The following SH3GL1 variants were observed in gnomAD, a reference collection of about 807,000 sequenced individuals.
SH3GL1 encodes the protein SH3 domain containing GRB2 like 1, endophilin A2.
A neutral mutation model predicts 48.8 loss-of-function variants in SH3GL1; 21 were observed. The ratio of observed to expected loss-of-function variants is 0.43; its 90% CI spans 0.30 to 0.62. The LOEUF is 0.62. Ranked by LOEUF, SH3GL1 falls within the 20% of genes least tolerant of loss-of-function variation. The pLI, the probability that SH3GL1 is intolerant of heterozygous loss-of-function variation, is 0.11. For missense variants in SH3GL1, 454 were observed against 503.0 expected, an observed-to-expected ratio of 0.90 and a Z score of 0.93; for synonymous variants, 282 against 217.5, an observed-to-expected ratio of 1.30 and a Z score of -2.61.
At chr19:4,397,118 A>C (rs909445092) in intron 1 of SH3GL1, among the ~76,000 whole-genome samples, 1 of 152,176 alleles carries the variant, frequency 6.6e-6, no homozygotes, top group Admixed American at 6.5e-5. Flanking sequence ...ACAAAAAAAG[A>C]GACACAAATA....
chr19:4,391,551 G>A (rs938357093), intron 1 of SH3GL1, among the ~76,000 whole-genome samples: 26 of 152,118 alleles, frequency 1.7e-4, no homozygotes, highest in African/African-American at 5.8e-4. Flanking sequence ...GGCAGAAATC[G>A]GAGTCTGATG....
Position 4,362,360 on chromosome 19 carries a change from G to A in SH3GL1, c.879C>T (p.Asp293=), listed in dbSNP as rs1392496454. 1 of 1,612,382 alleles carries A rather than the reference G, an allele frequency of 6.2e-7. No homozygotes were observed. The highest frequency in any genetic ancestry group is 1.1e-5 in the South Asian group (1 of 90,706). Residue 293 remains aspartate, a synonymous_variant, in exon 9 of 10, where the codon GAC becomes GAT. Transcript: ENST00000269886. ...IAASSSFRSS[D]KPIRTPSRSM... The stretch of plus-strand genomic sequence containing the variant: ...TCCGGCTAGGGGTCCGGATGGGCTT[G>A]TCGGAAGATCGGAAAGACGATGAAG...
At position 4,365,376 on chromosome 19, in the gene SH3GL1, T is replaced by C. The variant is rs1972751714; in HGVS notation, c.331+106A>G. The C allele has an allele frequency of 5.4e-6, 8 of 1,470,130 alleles. 1 individual carries two copies. In the East Asian group the frequency reaches 1.6e-4, roughly 29 times the overall value. The allele number at this position is 1,470,130 out of a possible 1,614,324, so 91.1% of individuals were successfully genotyped here. On this transcript the variant is annotated intron_variant, in intron 4 of 9. Coordinates refer to ENST00000269886, the MANE Select transcript of SH3GL1 (RefSeq NM_003025.4). ...GCAGCTGGAAAGCTGTGGGGGCCAC[T>C]GTACGTCCCCGGCACTCAGCACATG...
chr19:4,363,673 C>A (rs189203937), intron 6 of SH3GL1, 47 bp downstream of exon 6: 1 of 1,610,234 alleles, frequency 6.2e-7, no homozygotes, highest in Admixed American at 1.7e-5. Context: ...ACCCCGGCCT[C>A]CCAAGGGCAT....
intron 1 of SH3GL1, among the ~76,000 whole-genome samples, chr19:4,377,722 CT>C (rs1003861294): frequency 1.3e-5 from 2 of 152,196 alleles, no homozygotes; most frequent in East Asian, 1.9e-4. Flanking sequence ...ATGGGTGCCC[CT>C]GGCCGCTCAG....
intron 1 of SH3GL1, among the ~76,000 whole-genome samples, chr19:4,392,480 GC>G (rs1363769389): frequency 2.0e-5 from 3 of 149,334 alleles, no homozygotes; most frequent in African/African-American, 7.4e-5. Context: ...CCTGAGATCG[GC>G]CCGCTGCACT....
At chr19:4,381,849 C>T (rs768989058) in intron 1 of SH3GL1, among the ~76,000 whole-genome samples, 2 of 151,346 alleles carry the variant, frequency 1.3e-5, no homozygotes, top group Non-Finnish European at 2.9e-5. Context: ...CCCGCCGCCA[C>T]GCCCCGCTAA....
intron 1 of SH3GL1, among the ~76,000 whole-genome samples, chr19:4,369,221 G>A (rs1461013383): frequency 6.6e-6 from 1 of 152,186 alleles, no homozygotes; most frequent in East Asian, 1.9e-4. Flanking sequence ...GGAGGAAGGA[G>A]CCCCCCCTCC....
rs977719029 is a variant in SH3GL1, at chr19:4,376,589, G to A, written c.46-9595C>T. Among the ~76,000 whole-genome samples the A allele has an allele frequency of 6.6e-6, 1 of 151,916 alleles. No individual in the cohort carries two copies. Among genetic ancestry groups the A allele is most frequent in the Non-Finnish European group, 1.5e-5 (1 of 67,978 alleles). ...ACCACTGATGCCTCCTCTCTCGTGC[G>A]CCTGCCCCTTCACACTTCATCTTAC... is the stretch of plus-strand genomic sequence containing the variant. On this transcript the variant is annotated intron_variant, in intron 1 of 9. Coordinates refer to ENST00000269886, the MANE Select transcript of SH3GL1 (RefSeq NM_003025.4). This position sits in a 1 kb window ranked among gnomAD's most constrained non-coding sequence, Gnocchi z 4.3.
At position 4,361,066 on chromosome 19, in the gene SH3GL1, C is replaced by G. The variant is rs538691024; in HGVS notation, c.*534G>C. ...GAGGAGAAGGAGTGCGTGTGTGAGGCGGGGGTGCATTGGCCCTGGAGTAGG... is the reference window on the plus strand; with the variant it reads ...GAGGAGAAGGAGTGCGTGTGTGAGGGGGGGGTGCATTGGCCCTGGAGTAGG... On this transcript the variant is annotated 3_prime_UTR_variant, in exon 10 of 10. Coordinates refer to ENST00000269886, the MANE Select transcript of SH3GL1 (RefSeq NM_003025.4). 3 of 236,130 alleles carry G rather than the reference C, an allele frequency of 1.3e-5. No homozygotes were observed. The highest frequency in any genetic ancestry group is 1.3e-3 in the Middle Eastern group (1 of 792). 14.6% of individuals were successfully genotyped at this position (236,130 alleles called of 1,614,324 possible).
chr19:4,362,461 A>G (rs910848251), intron 8 of SH3GL1, 76 bp from the exon 9 acceptor site: 20 of 1,571,238 alleles, frequency 1.3e-5, no homozygotes, highest in Admixed American at 1.9e-5. Context: ...GGCTGGGGCC[A>G]GCCCTTCCCG....
chr19:4,363,532 G>A lies in SH3GL1; in HGVS notation c.625-59C>T, dbSNP rs1972684264. The A allele has an allele frequency of 2.0e-6, 3 of 1,533,376 alleles. No homozygotes were observed. The Admixed American group carries it at 5.1e-5, about 26-fold the overall frequency. 95.0% of individuals were successfully genotyped at this position (1,533,376 alleles called of 1,614,324 possible). A position where few individuals can be genotyped will look rare whatever the true frequency, so the allele number is the denominator to read the frequency against. On this transcript the variant is annotated intron_variant, in intron 6 of 9. Coordinates refer to ENST00000269886, the MANE Select transcript of SH3GL1 (RefSeq NM_003025.4). ...AGTGCCACTGTCCTGTGCCTTCCCT[G>A]ACTCCCGAGGTGAAGCCACAGGAGG...
Position 4,367,960 on chromosome 19 carries a change from T to C in SH3GL1, c.46-966A>G, listed in dbSNP as rs78126105. ...GAAGAGCCGAGTGGCTGCCAGGCCC[T>C]GCCACAAATGGAGGCTCCCAGAGGG... On this transcript the variant is annotated intron_variant, in intron 1 of 9. Transcript: ENST00000269886. The surrounding 1 kb of genome is among the most constrained non-coding windows in gnomAD (Gnocchi z 4.2). 7.6e-3 allele frequency among the ~76,000 whole-genome samples: 1,155 copies of C among 152,228 alleles called. 16 individuals are homozygous for C. Among genetic ancestry groups the C allele is most frequent in the African/African-American group, 0.027 (1,103 of 41,526 alleles).
rs529879828 is a variant in SH3GL1, at chr19:4,361,332, G to T, written c.*268C>A. 20 of 511,964 alleles carry T rather than the reference G, an allele frequency of 3.9e-5. No homozygotes were observed. The highest frequency in any genetic ancestry group is 5.9e-5 in the Non-Finnish European group (17 of 287,912). 31.7% of individuals were successfully genotyped at this position (511,964 alleles called of 1,614,324 possible). A position where few individuals can be genotyped will look rare whatever the true frequency, so the allele number is the denominator to read the frequency against. On this transcript the variant is annotated 3_prime_UTR_variant, in exon 10 of 10. Transcript: ENST00000269886. ...CCAGCTGGGCGAGAAGTTGGGGAGC[G>T]GGGGAGGAGGCTGGCGCCATGGAGT... is the stretch of plus-strand genomic sequence containing the variant.
At chr19:4,381,388 CCTCT>C (rs1198421475) in intron 1 of SH3GL1, among the ~76,000 whole-genome samples, 6 of 128,650 alleles carry the variant, frequency 4.7e-5, no homozygotes, top group African/African-American at 8.9e-5. Flanking sequence ...GTCCCCTCTG[CCTCT>C]CTCTGTCCCC....
chr19:4,386,088 G>C (rs1315160679), intron 1 of SH3GL1, among the ~76,000 whole-genome samples: 1 of 152,224 alleles, frequency 6.6e-6, no homozygotes, highest in Non-Finnish European at 1.5e-5. Flanking sequence ...TGGGAGATGG[G>C]GAAATTCCAA....
chr19:4,368,997 G>A (rs1309436124), intron 1 of SH3GL1, among the ~76,000 whole-genome samples: 7 of 152,138 alleles, frequency 4.6e-5, no homozygotes, highest in African/African-American at 1.4e-4. Context: ...GTGTGAACCC[G>A]GGAGGTGGAG....
Position 4,364,914 on chromosome 19 carries a change from A to AT in SH3GL1, c.331+567dup, listed in dbSNP as rs1456609507. ...TGTGTGTGTGTATATATATATATAT[A>AT]TATTTTTTTTTTTTTAGTAGAAGCG... On this transcript the variant is annotated intron_variant, in intron 4 of 9. Transcript: ENST00000269886. Among the ~76,000 whole-genome samples, 187 of 116,662 alleles carry AT rather than the reference A, an allele frequency of 1.6e-3. 4 individuals are homozygous for AT. In the East Asian group the frequency reaches 0.023, roughly 14 times the overall value. The allele number at this position is 116,662 out of a possible 152,430, so 76.5% of individuals were successfully genotyped here.
intron 1 of SH3GL1, among the ~76,000 whole-genome samples, chr19:4,388,948 G>A (rs984515552): frequency 5.3e-5 from 8 of 152,200 alleles, no homozygotes; most frequent in South Asian, 2.1e-4. Flanking sequence ...CAGAGCAGTC[G>A]GACCTGTTCC....
Sources: gnomAD v4.1 joint callset for allele counts (sites outside exome capture counted in the v4.1 genomes callset) on GRCh38, gnomAD v4.1.1 for gene constraint, Gnocchi (gnomAD v3.1) non-coding constraint, MANE v1.5 for transcripts, NCBI Gene and HGNC (gene_info 2026-07-23, HGNC 2026-07-21) for gene names.